PAQR8: variants seen among roughly 807,000 people sequenced by gnomAD.
PAQR8 encodes membrane progestin receptor beta.
PAQR8 carries 17 observed loss-of-function variants against 25.2 expected under a neutral mutation model. The observed-to-expected ratio is 0.67, with a 90% CI of 0.46 to 1.01. The LOEUF (loss-of-function observed/expected upper bound fraction) is 1.01. Ranked by LOEUF, PAQR8 falls within the 50% of genes least tolerant of loss-of-function variation. PAQR8 has a pLI of 0.00. For synonymous variants in PAQR8, 204 were observed against 190.6 expected (o/e 1.07, Z -0.58); for missense variants, 392 against 448.4 (o/e 0.87, Z 1.14).
At chr6:52,365,744 G>C (rs9367481) in intron 1 of PAQR8, among the ~76,000 whole-genome samples, 57,945 of 151,928 alleles carry the variant, frequency 0.38, 12,216 homozygotes, top group African/African-American at 0.55. Flanking sequence ...GAAAAGCAAC[G>C]ACAATTAGTT....
chr6:52,381,824 G>T (rs949308402), intron 1 of PAQR8, among the ~76,000 whole-genome samples: 1 of 152,200 alleles, frequency 6.6e-6, no homozygotes, highest in Non-Finnish European at 1.5e-5. Flanking sequence ...TTTAGCCTCA[G>T]CTGGTTGTTG....
chr6:52,387,873 T>C (rs937224424), intron 1 of PAQR8, among the ~76,000 whole-genome samples: 1 of 152,232 alleles, frequency 6.6e-6, no homozygotes, highest in Admixed American at 6.5e-5. Flanking sequence ...CATTAGATTT[T>C]CATAGGCGTG....
In PAQR8 at chr6:52,399,676, C is replaced by G. The variant is rs148095283; in HGVS notation, c.-52-3486C>G. 5.7e-3 allele frequency among the ~76,000 whole-genome samples: 863 copies of G among 152,264 alleles called. 10 individuals are homozygous for G. The highest frequency in any genetic ancestry group is 0.02 in the African/African-American group (819 of 41,552). On this transcript the variant is annotated intron_variant, in intron 1 of 1. Coordinates refer to ENST00000442253, the MANE Select transcript of PAQR8 (RefSeq NM_133367.5). ...TTGGGGATTCCTTCTTCTATAGTCA[C>G]TGGGGTTATACCCAGTGACTCACCT...
chr6:52,363,407 TG>T (rs1763313744), intron 1 of PAQR8, among the ~76,000 whole-genome samples: 1 of 152,204 alleles, frequency 6.6e-6, no homozygotes, highest in South Asian at 2.1e-4. Context: ...AAATTAGTTA[TG>T]GAGTGAGATT....
intron 1 of PAQR8, among the ~76,000 whole-genome samples, chr6:52,369,366 G>C (rs1255590898): frequency 6.6e-6 from 1 of 152,108 alleles, no homozygotes; most frequent in Non-Finnish European, 1.5e-5. Flanking sequence ...AACAGTAGAG[G>C]TGGTGACATT....
chr6:52,396,235 C>T (rs1319881265), intron 1 of PAQR8, among the ~76,000 whole-genome samples: 1 of 152,118 alleles, frequency 6.6e-6, no homozygotes, highest in Non-Finnish European at 1.5e-5. Flanking sequence ...AGCCCTAAGC[C>T]AGTCTGGGAG....
At chr6:52,391,343 C>T (rs1763707056) in intron 1 of PAQR8, among the ~76,000 whole-genome samples, 2 of 152,160 alleles carry the variant, frequency 1.3e-5, no homozygotes, top group Admixed American at 1.3e-4. Context: ...TTAATAAGTG[C>T]ATAGTATTCT....
rs1032705911 is a variant in PAQR8, at chr6:52,404,572, A to G, written c.*294A>G. 11 of 285,370 alleles carry G rather than the reference A, an allele frequency of 3.9e-5. No individual in the cohort carries two copies. Among genetic ancestry groups the G allele is most frequent in the Admixed American group, 1.9e-4 (4 of 20,942 alleles). The allele number at this position is 285,370 out of a possible 1,614,324, so 17.7% of individuals were successfully genotyped here. A position where few individuals can be genotyped will look rare whatever the true frequency, so the allele number is the denominator to read the frequency against. ...GAATCATCTTCATGCCTGAAAATTT[A>G]GCAAAATTCCGACTATGGCCTCCAG... On this transcript the variant is annotated 3_prime_UTR_variant, in exon 2 of 2. Coordinates refer to ENST00000442253, the MANE Select transcript of PAQR8 (RefSeq NM_133367.5).
chr6:52,402,094 G>A (rs1763839144), intron 1 of PAQR8, among the ~76,000 whole-genome samples: 1 of 152,198 alleles, frequency 6.6e-6, no homozygotes, highest in Non-Finnish European at 1.5e-5. Flanking sequence ...CAGGCATGGT[G>A]GCTTAACGCC....
At chr6:52,374,357 C>T (rs1562427890) in intron 1 of PAQR8, among the ~76,000 whole-genome samples, 1 of 152,172 alleles carries the variant, frequency 6.6e-6, no homozygotes, top group Non-Finnish European at 1.5e-5. Flanking sequence ...GATCACTGCA[C>T]TGATATTTAC....
chr6:52,374,815 T>C (rs1184380219), intron 1 of PAQR8, among the ~76,000 whole-genome samples: 1 of 151,956 alleles, frequency 6.6e-6, no homozygotes, highest in African/African-American at 2.4e-5. Context: ...ATCTTACTCA[T>C]AGAGTTCTAG....
intron 1 of PAQR8, among the ~76,000 whole-genome samples, chr6:52,385,622 G>A (rs1022905326): frequency 2.6e-5 from 4 of 152,204 alleles, no homozygotes; most frequent in African/African-American, 9.6e-5. Flanking sequence ...CATGGCGTAT[G>A]TCTGGAATTC....
intron 1 of PAQR8, among the ~76,000 whole-genome samples, chr6:52,389,809 T>C (rs1763677632): frequency 6.6e-6 from 1 of 152,212 alleles, no homozygotes; most frequent in Non-Finnish European, 1.5e-5. Flanking sequence ...AAGATTGATT[T>C]CCTGCCAGTG....
chr6:52,381,435 C>T (rs1763558806), intron 1 of PAQR8, among the ~76,000 whole-genome samples: 1 of 152,174 alleles, frequency 6.6e-6, no homozygotes. Flanking sequence ...TGGTGAAACC[C>T]CAGCTCTACA....
intron 1 of PAQR8, among the ~76,000 whole-genome samples, chr6:52,381,360 T>C (rs1763557978): frequency 6.6e-6 from 1 of 152,254 alleles, no homozygotes; most frequent in Non-Finnish European, 1.5e-5. Flanking sequence ...GTAGGCCCTA[T>C]ACTTTGGGAG....
At chr6:52,378,789 T>TA (rs943694413) in intron 1 of PAQR8, among the ~76,000 whole-genome samples, 16 of 138,292 alleles carry the variant, frequency 1.2e-4, no homozygotes, top group African/African-American at 1.9e-4. Flanking sequence ...AGATTCTGTC[T>TA]AAAAAAAAAG....
chr6:52,379,259 C>T (rs576972490), intron 1 of PAQR8, among the ~76,000 whole-genome samples: 1 of 151,958 alleles, frequency 6.6e-6, no homozygotes, highest in Non-Finnish European at 1.5e-5. Context: ...TTCATAGAGA[C>T]GGAAAGTAGA....
intron 1 of PAQR8, among the ~76,000 whole-genome samples, chr6:52,379,150 A>T (rs1402373651): frequency 2.0e-5 from 3 of 151,098 alleles, no homozygotes; most frequent in Non-Finnish European, 4.4e-5. Flanking sequence ...GACATGGATG[A>T]CCCTTGGGGA....
At chr6:52,373,255 G>A (rs1211112793) in intron 1 of PAQR8, among the ~76,000 whole-genome samples, 1 of 152,190 alleles carries the variant, frequency 6.6e-6, no homozygotes, top group Admixed American at 6.5e-5. Flanking sequence ...AATATTAATG[G>A]ATTCTATTAG....
Sources: allele counts gnomAD v4.1 joint callset (sites outside exome capture counted in the v4.1 genomes callset), GRCh38; gene constraint gnomAD v4.1.1; transcripts MANE v1.5; gene names NCBI Gene and HGNC (gene_info 2026-07-23, HGNC 2026-07-21).